Variants in LRIF1 observed in about 807,000 individuals in gnomAD.
LRIF1 encodes the protein ligand dependent nuclear receptor interacting factor 1.
LRIF1 carries 32 observed loss-of-function variants against 52.7 expected under a neutral mutation model. The observed-to-expected ratio is 0.61, with a 90% confidence interval of 0.46 to 0.82. The LOEUF (loss-of-function observed/expected upper bound fraction) is 0.82, where lower values mean the gene tolerates loss of function less well. LRIF1 is among the 40% of genes least tolerant of loss of function. The pLI is 0.00. For synonymous variants in LRIF1, 323 were observed against 317.4 expected (o/e 1.02, Z -0.19); for missense variants, 887 against 892.0 (o/e 0.99, Z 0.07).
the LRIF1 span, among the ~76,000 whole-genome samples, chr1:110,933,339 T>A: frequency 6.6e-6 from 1 of 151,584 alleles, no homozygotes; most frequent in Non-Finnish European, 1.5e-5. Flanking sequence ...ATTTAGCAAC[T>A]ATCTACACAG....
chr1:110,887,724 G>C, the LRIF1 span, among the ~76,000 whole-genome samples: 5 of 152,334 alleles, frequency 3.3e-5, no homozygotes, highest in African/African-American at 1.2e-4. Context: ...TTTCCAGTCT[G>C]ACTGGTGGGA....
chr1:110,931,196 C>T, the LRIF1 span, among the ~76,000 whole-genome samples: 7 of 152,088 alleles, frequency 4.6e-5, no homozygotes, highest in African/African-American at 7.2e-5. Context: ...CATGTGTTCT[C>T]GTTGTTCAAT....
chr1:110,882,813 T>G, the LRIF1 span, among the ~76,000 whole-genome samples: 1 of 152,064 alleles, frequency 6.6e-6, no homozygotes, highest in Non-Finnish European at 1.5e-5. Flanking sequence ...AAGTATTTCA[T>G]ATATGATGCT....
the LRIF1 span, among the ~76,000 whole-genome samples, chr1:110,875,558 G>A: frequency 9.6e-4 from 146 of 152,266 alleles, 2 homozygotes; most frequent in Middle Eastern, 6.8e-3. Flanking sequence ...TTTGTTCTGC[G>A]TCCCTAGATT....
intron 1 of LRIF1, among the ~76,000 whole-genome samples, chr1:110,954,881 C>G (rs1049747067): frequency 1.3e-5 from 2 of 152,208 alleles, no homozygotes; most frequent in Non-Finnish European, 2.9e-5. Flanking sequence ...TTTGAATCAA[C>G]TTTCAAATGT....
At chr1:110,885,771 T>G in the LRIF1 span, among the ~76,000 whole-genome samples, 8 of 144,462 alleles carry the variant, frequency 5.5e-5, no homozygotes, top group African/African-American at 2.1e-4. Context: ...GGCTGAGGCA[T>G]GAGAATTTCT....
intron 3 of LRIF1, among the ~76,000 whole-genome samples, chr1:110,949,171 G>C (rs972502946): frequency 3.3e-5 from 5 of 151,942 alleles, no homozygotes; most frequent in African/African-American, 1.2e-4. Context: ...AGACTGGAGT[G>C]CAGTGGTGCG....
At chr1:110,913,023 C>T in the LRIF1 span, among the ~76,000 whole-genome samples, 1 of 152,134 alleles carries the variant, frequency 6.6e-6, no homozygotes, top group Non-Finnish European at 1.5e-5. Context: ...AGAAATAAAG[C>T]AACACATCTA....
chr1:110,918,047 T>C, the LRIF1 span, among the ~76,000 whole-genome samples: 2 of 152,268 alleles, frequency 1.3e-5, no homozygotes, highest in East Asian at 3.9e-4. Flanking sequence ...AAATTTAAAA[T>C]TAAAAACTTT....
chr1:110,950,813 T>C (rs566919958), intron 2 of LRIF1, among the ~76,000 whole-genome samples: 3 of 152,116 alleles, frequency 2.0e-5, no homozygotes, highest in South Asian at 2.1e-4. Flanking sequence ...TGTCTCACCT[T>C]TTCCATGGTA....
At chr1:110,878,089 T>C in the LRIF1 span, among the ~76,000 whole-genome samples, 30 of 152,326 alleles carry the variant, frequency 2.0e-4, 1 homozygote, top group South Asian at 6.0e-3. Flanking sequence ...CTGGGTGACC[T>C]TGTGCCAGTC....
At chr1:110,886,869 A>ATATATATATATATTTTTT in the LRIF1 span, among the ~76,000 whole-genome samples, 3 of 82,780 alleles carry the variant, frequency 3.6e-5, no homozygotes, top group Admixed American at 1.4e-4. Context: ...ATATATATAT[A>ATATATATATATATTTTTT]TTTTTTTTTT....
chr1:110,918,537 G>C, the LRIF1 span, among the ~76,000 whole-genome samples: 2 of 152,150 alleles, frequency 1.3e-5, no homozygotes, highest in Admixed American at 6.5e-5. Context: ...TCTGATAATT[G>C]TGATGAGGTT....
At chr1:110,910,629 C>T in the LRIF1 span, among the ~76,000 whole-genome samples, 1 of 151,926 alleles carries the variant, frequency 6.6e-6, no homozygotes, top group Non-Finnish European at 1.5e-5. Context: ...CAAAACAAAC[C>T]TGAAAATCAT....
chr1:110,882,807 A>G, the LRIF1 span, among the ~76,000 whole-genome samples: 95 of 152,150 alleles, frequency 6.2e-4, no homozygotes, highest in East Asian at 0.015. Flanking sequence ...ATGCCTAAGT[A>G]TTTCATATAT....
At chr1:110,907,432 C>A in the LRIF1 span, among the ~76,000 whole-genome samples, 1,036 of 152,204 alleles carry the variant, frequency 6.8e-3, 6 homozygotes, top group Non-Finnish European at 0.011. Context: ...GCATCTTGCT[C>A]CAACTTCCAC....
At chr1:110,893,447 C>T in the LRIF1 span, among the ~76,000 whole-genome samples, 6 of 152,138 alleles carry the variant, frequency 3.9e-5, no homozygotes, top group African/African-American at 9.7e-5. Context: ...CTCAGCCTCC[C>T]GAGTAGCTGG....
At chr1:110,911,066 T>TG in the LRIF1 span, among the ~76,000 whole-genome samples, 1 of 152,150 alleles carries the variant, frequency 6.6e-6, no homozygotes, top group Non-Finnish European at 1.5e-5. Flanking sequence ...AGGCAAGAGT[T>TG]GGTCCACCAA....
the LRIF1 span, among the ~76,000 whole-genome samples, chr1:110,893,314 G>GT: frequency 1.3e-5 from 2 of 152,020 alleles, no homozygotes; most frequent in South Asian, 2.1e-4. Context: ...TTTTTGTTTT[G>GT]TTTTTTTCTT....
Sources: gnomAD v4.1 joint callset for allele counts (sites outside exome capture counted in the v4.1 genomes callset) on GRCh38, gnomAD v4.1.1 for gene constraint, MANE v1.5 for transcripts, NCBI Gene and HGNC (gene_info 2026-07-23, HGNC 2026-07-21) for gene names.